The following SEMA5A variants were observed in gnomAD, a reference collection of about 807,000 sequenced individuals.
SEMA5A encodes semaphorin 5A, also known as semaphorin-5A.
Under a neutral mutation model 135.5 loss-of-function variants are expected in SEMA5A, and 55 were observed. The ratio of observed to expected loss-of-function variants is 0.41; its 90% CI spans 0.33 to 0.51. SEMA5A has a LOEUF of 0.51. Ranked by LOEUF, SEMA5A falls within the 20% of genes least tolerant of loss-of-function variation. The pLI, the probability that SEMA5A is intolerant of heterozygous loss-of-function variation, is 0.37. For missense variants in SEMA5A, 1,290 were observed against 1,419.9 expected, an observed-to-expected ratio of 0.91 and a Z score of 1.47; for synonymous variants, 580 against 546.5, an observed-to-expected ratio of 1.06 and a Z score of -0.85.
intron 5 of SEMA5A, among the ~76,000 whole-genome samples, chr5:9,244,464 T>G (rs1422873145): frequency 2.0e-5 from 3 of 152,184 alleles, no homozygotes; most frequent in African/African-American, 7.2e-5. Context: ...GATGCCCACC[T>G]AGATAATGGC....
chr5:9,438,968 G>T (rs1179458416), intron 1 of SEMA5A, among the ~76,000 whole-genome samples: 2 of 152,206 alleles, frequency 1.3e-5, no homozygotes, highest in Admixed American at 1.3e-4. Context: ...GGTCAAGGTG[G>T]CACTGCCTCT....
intron 5 of SEMA5A, among the ~76,000 whole-genome samples, chr5:9,293,950 C>G (rs1271714651): frequency 6.6e-6 from 1 of 152,094 alleles, no homozygotes; most frequent in East Asian, 1.9e-4. Context: ...TTGTAAGATC[C>G]CAATTGCAGT....
chr5:9,071,503 G>A (rs953891552), intron 16 of SEMA5A, among the ~76,000 whole-genome samples: 1 of 152,140 alleles, frequency 6.6e-6, no homozygotes, highest in Non-Finnish European at 1.5e-5. Flanking sequence ...TTTGGTAAAT[G>A]GATAAATCAT....
At chr5:9,484,644 T>C (rs188055434) in intron 1 of SEMA5A, among the ~76,000 whole-genome samples, 1 of 152,350 alleles carries the variant, frequency 6.6e-6, no homozygotes, top group Non-Finnish European at 1.5e-5. Context: ...GCCATCACAG[T>C]TAAATGTTAT....
chr5:9,123,258 C>CAAAAAAA lies in SEMA5A; in HGVS notation c.1600-428_1600-422dup, dbSNP rs57533658. 6.2e-4 allele frequency among the ~76,000 whole-genome samples: 24 copies of CAAAAAAA among 38,944 alleles called. 3 individuals carry two copies. The highest frequency in any genetic ancestry group is 1.3e-3 in the Non-Finnish European group (20 of 15,802). 25.5% of individuals were successfully genotyped at this position (38,944 alleles called of 152,430 possible). ...TGAGGGAAGGAGCGAGACTCCGCCT[C>CAAAAAAA]AAAAAAAAAAAAAAAAAAAAAAAAA... On this transcript the variant is annotated intron_variant, in intron 13 of 22. Coordinates refer to ENST00000382496, the MANE Select transcript of SEMA5A (RefSeq NM_003966.3).
chr5:9,410,801 C>T (rs1757077225), intron 2 of SEMA5A, among the ~76,000 whole-genome samples: 2 of 149,826 alleles, frequency 1.3e-5, no homozygotes, highest in Admixed American at 6.7e-5. Context: ...CAAACCTGCA[C>T]ATTCTGAATA....
chr5:9,115,392 C>G (rs183687432), intron 15 of SEMA5A, among the ~76,000 whole-genome samples: 80 of 152,328 alleles, frequency 5.3e-4, no homozygotes, highest in African/African-American at 1.9e-3. Flanking sequence ...ACTCCAAACA[C>G]TTGCTCAGCT....
chr5:9,422,587 C>G (rs1757508489), intron 2 of SEMA5A: 1 of 152,132 alleles, frequency 6.6e-6, no homozygotes, highest in Non-Finnish European at 1.5e-5. Flanking sequence ...CGACCGAGAA[C>G]TAGTTTCTTA....
intron 21 of SEMA5A, among the ~76,000 whole-genome samples, chr5:9,047,541 G>T (rs969796310): frequency 6.6e-6 from 1 of 152,114 alleles, no homozygotes. Context: ...CTTTGAATAT[G>T]ATTTTCTGCT....
chr5:9,506,504 G>A (rs147101530), intron 1 of SEMA5A, among the ~76,000 whole-genome samples: 204 of 152,272 alleles, frequency 1.3e-3, no homozygotes, highest in African/African-American at 3.9e-3. Context: ...CATTTAAAGC[G>A]GAGGCCATGC....
chr5:9,184,016 C>T (rs1744669124), intron 11 of SEMA5A, among the ~76,000 whole-genome samples: 1 of 152,178 alleles, frequency 6.6e-6, no homozygotes, highest in Non-Finnish European at 1.5e-5. Context: ...CTCAAACCTT[C>T]TCTCATCATT....
At chr5:9,407,677 A>G (rs1464654110) in intron 2 of SEMA5A, among the ~76,000 whole-genome samples, 2 of 152,192 alleles carry the variant, frequency 1.3e-5, no homozygotes, top group East Asian at 1.9e-4. Context: ...AGGGATCAGC[A>G]ATAAAGAATA....
At chr5:9,481,707 A>G (rs954614862) in intron 1 of SEMA5A, among the ~76,000 whole-genome samples, 3 of 152,068 alleles carry the variant, frequency 2.0e-5, no homozygotes, top group Non-Finnish European at 2.9e-5. Flanking sequence ...CAGATTCTCT[A>G]ATAATTACAG....
intron 1 of SEMA5A, among the ~76,000 whole-genome samples, chr5:9,491,990 A>C (rs1055900144): frequency 6.6e-6 from 1 of 152,232 alleles, no homozygotes; most frequent in Non-Finnish European, 1.5e-5. Context: ...GATTACAGAT[A>C]GAAGACACAC....
chr5:9,169,087 T>G (rs908559537), intron 11 of SEMA5A, among the ~76,000 whole-genome samples: 5 of 152,136 alleles, frequency 3.3e-5, no homozygotes, highest in Non-Finnish European at 7.3e-5. Context: ...ACGGAGACTA[T>G]AGCTAACAAT....
chr5:9,487,887 C>T (rs1325906255), intron 1 of SEMA5A, among the ~76,000 whole-genome samples: 2 of 152,146 alleles, frequency 1.3e-5, no homozygotes, highest in East Asian at 1.9e-4. Context: ...TATTGTGTAA[C>T]TCATACCCCT....
chr5:9,441,868 G>T (rs1024790156), intron 1 of SEMA5A, among the ~76,000 whole-genome samples: 4 of 152,190 alleles, frequency 2.6e-5, no homozygotes, highest in African/African-American at 4.8e-5. Flanking sequence ...CACACAGATT[G>T]TAGGGAATGT....
chr5:9,412,692 A>G (rs1292487548), intron 2 of SEMA5A, among the ~76,000 whole-genome samples: 1 of 151,470 alleles, frequency 6.6e-6, no homozygotes, highest in Admixed American at 6.6e-5. Flanking sequence ...TTTATGTTTA[A>G]ATACACCTTA....
intron 1 of SEMA5A, among the ~76,000 whole-genome samples, chr5:9,458,944 T>C (rs1049094117): frequency 6.6e-6 from 1 of 152,186 alleles, no homozygotes; most frequent in Non-Finnish European, 1.5e-5. Flanking sequence ...GTAAGCTGTG[T>C]TGTAGGAAAA....
Sources: gnomAD v4.1 joint callset for allele counts (sites outside exome capture counted in the v4.1 genomes callset) on GRCh38, gnomAD v4.1.1 for gene constraint, MANE v1.5 for transcripts, NCBI Gene and HGNC (gene_info 2026-07-23, HGNC 2026-07-21) for gene names.